DGLUCY: variants seen among roughly 807,000 people sequenced by gnomAD.
The protein encoded by DGLUCY is D-glutamate cyclase, mitochondrial.
Under a neutral mutation model 58.5 loss-of-function variants are expected in DGLUCY, and 58 were observed. That is an observed-to-expected ratio of 0.99 (90% confidence interval 0.80 to 1.23). The LOEUF is 1.23. Ranked by LOEUF, DGLUCY falls within the 50% of genes most tolerant of loss-of-function variation. DGLUCY has a pLI of 0.00. For missense variants in DGLUCY, 779 were observed against 784.7 expected (o/e 0.99, Z 0.09); for synonymous variants, 325 against 314.1 (o/e 1.03, Z -0.37).
rs2140500293 is a variant in DGLUCY, at chr14:91,188,892, C to T, written c.935-18C>T. The T allele has an allele frequency of 6.2e-7, 1 of 1,603,346 alleles. No homozygotes were observed. The highest frequency in any genetic ancestry group is 8.5e-7 in the Non-Finnish European group (1 of 1,175,224). On this transcript the variant is annotated intron_variant, in intron 8 of 13. Coordinates refer to ENST00000256324, the MANE Select transcript of DGLUCY (RefSeq NM_001102368.3). ...TTAAAAATATAGTTACTTTTACATT[C>T]TATTTTTGTCATTTCAGGGAACCGG...
At chr14:91,095,322 G>A (rs2140072661) in intron 1 of DGLUCY, among the ~76,000 whole-genome samples, 1 of 152,324 alleles carries the variant, frequency 6.6e-6, no homozygotes, top group East Asian at 1.9e-4. Flanking sequence ...GGCACCAGGA[G>A]GGAGGAGGAG....
rs2049711402 is a variant in DGLUCY at position 91,189,186 on chromosome 14, G to A, written c.1195+16G>A. The A allele has an allele frequency of 6.2e-7, 1 of 1,612,744 alleles. No homozygotes were observed. Among genetic ancestry groups the A allele is most frequent in the African/African-American group, 1.3e-5 (1 of 74,878 alleles). ...GTTGAGCAAGGTAAGCAGTGAGATG[G>A]GCTTGGTCCATTTCCCCAAACGGGC... On this transcript the variant is annotated intron_variant, in intron 9 of 13. Coordinates refer to ENST00000256324, the MANE Select transcript of DGLUCY (RefSeq NM_001102368.3).
exon 1 of DGLUCY, chr14:91,060,342 C>G: frequency 7.1e-7 from 1 of 1,416,630 alleles, no homozygotes; most frequent in Non-Finnish European, 9.3e-7. Flanking sequence ...CAGTCCGCAG[C>G]TCGTGCTTGA....
Position 91,217,127 on chromosome 14 carries a change from A to G in DGLUCY, c.1716+1571A>G, listed in dbSNP as rs1040267854. Among the ~76,000 whole-genome samples, 8 of 152,198 alleles carry G rather than the reference A, an allele frequency of 5.3e-5. No homozygotes were observed. The East Asian group carries it at 9.6e-4, about 18-fold the overall frequency. On this transcript the variant is annotated intron_variant, in intron 13 of 13. Transcript: ENST00000256324. ...GGACCAGACTTGCGGGACATTCACA[A>G]TGCCTCAGTGCTTAACGGGACACCT...
chr14:91,167,848 C>A (rs1368002916), intron 4 of DGLUCY: 1 of 604,132 alleles, frequency 1.7e-6, no homozygotes, highest in Admixed American at 2.9e-5. Flanking sequence ...ATGGCACCAG[C>A]ACAGACTGGC....
intron 8 of DGLUCY, among the ~76,000 whole-genome samples, chr14:91,184,577 TGG>T (rs1217191950): frequency 4.3e-5 from 1 of 23,294 alleles, no homozygotes; most frequent in Non-Finnish European, 8.9e-5. Context: ...GAAAGAAAGT[TGG>T]GGGGGGGGAG....
exon 1 of DGLUCY, chr14:91,060,339 C>G (rs764887929): frequency 1.4e-6 from 2 of 1,404,134 alleles, no homozygotes; most frequent in Non-Finnish European, 1.9e-6. Context: ...CACCAGTCCG[C>G]AGCTCGTGCT....
chr14:91,138,622 T>C (rs774567586), intron 1 of DGLUCY, among the ~76,000 whole-genome samples: 3 of 152,082 alleles, frequency 2.0e-5, no homozygotes, highest in Non-Finnish European at 4.4e-5. Context: ...CAAAGGAGAT[T>C]TAAGCACCTC....
chr14:91,138,356 TG>T (rs1185678033), intron 1 of DGLUCY, among the ~76,000 whole-genome samples: 1 of 152,128 alleles, frequency 6.6e-6, no homozygotes, highest in East Asian at 1.9e-4. Context: ...CCGGGTGTGG[TG>T]GCTCATGCCT....
rs753354924 is a variant in DGLUCY, at chr14:91,170,016, C to T, written c.271C>T (p.Gln91Ter). Reference protein sequence around the residue: ...AISETRMGHPQFWKYEFGACT... With the variant: ...AISETRMGHP ...TTATGTCCCCAGGATGGGCCATCCC[C>T]AGTTCTGGAAATACGAGTTCGGTGC... The change falls in exon 5 of 14, where the codon CAG (glutamine) becomes TAG (stop). Residue 91 changes from glutamine (Q) to a stop codon, truncating the protein, a stop_gained. Coordinates refer to ENST00000256324, the MANE Select transcript of DGLUCY (RefSeq NM_001102368.3). LOFTEE classifies it high-confidence loss of function. 1.9e-6 allele frequency: 3 copies of T among 1,612,230 alleles called. No homozygotes were observed. The highest frequency in any genetic ancestry group is 2.5e-6 in the Non-Finnish European group (3 of 1,180,024).
chr14:91,080,823 G>T (rs2044111042), intron 1 of DGLUCY, among the ~76,000 whole-genome samples: 1 of 152,178 alleles, frequency 6.6e-6, no homozygotes, highest in African/African-American at 2.4e-5. Context: ...AAATATGAGT[G>T]CCTTTTGTGT....
intron 1 of DGLUCY, among the ~76,000 whole-genome samples, chr14:91,102,217 C>T (rs2044499958): frequency 6.6e-6 from 1 of 151,830 alleles, no homozygotes; most frequent in Admixed American, 6.6e-5. Context: ...AAATAAATCA[C>T]CAGAGATTTT....
At chr14:91,168,657 A>C (rs1324996374) in intron 4 of DGLUCY, among the ~76,000 whole-genome samples, 1 of 152,108 alleles carries the variant, frequency 6.6e-6, no homozygotes, top group African/African-American at 2.4e-5. Flanking sequence ...CCCAGCACCA[A>C]ACTCCTCTGT....
intron 13 of DGLUCY, chr14:91,223,786 T>G: frequency 9.1e-7 from 1 of 1,094,714 alleles, no homozygotes; most frequent in South Asian, 1.4e-5. Context: ...CCCTGCTAAG[T>G]GCTTTGCTTG....
rs186482379 is a variant in DGLUCY at position 91,179,489 on chromosome 14, C to T, written c.731-1697C>T. On this transcript the variant is annotated intron_variant, in intron 7 of 13. Transcript: ENST00000256324. ...AGATGAGGCTGGGTGCGGTGGCTCA[C>T]GCCTGTAATCCCAGCACTCTGGGAG... Among the ~76,000 whole-genome samples, 500 of 151,796 alleles carry T rather than the reference C, an allele frequency of 3.3e-3. 5 individuals are homozygous for T. Among genetic ancestry groups the T allele is most frequent in the African/African-American group, 0.012 (486 of 41,388 alleles).
chr14:91,183,394 G>C (rs2049301443), intron 8 of DGLUCY, among the ~76,000 whole-genome samples: 1 of 152,146 alleles, frequency 6.6e-6, no homozygotes, highest in Non-Finnish European at 1.5e-5. Flanking sequence ...CTAATCCCAG[G>C]TGGCCAGCAG....
intron 1 of DGLUCY, among the ~76,000 whole-genome samples, chr14:91,151,384 C>G (rs1011324313): frequency 6.6e-6 from 1 of 151,902 alleles, no homozygotes; most frequent in South Asian, 2.1e-4. Context: ...GGACTACAGG[C>G]GCCCACCACC....
At chr14:91,068,115 A>ACACACACACACACC (rs1236523220) in intron 1 of DGLUCY, among the ~76,000 whole-genome samples, 1 of 140,154 alleles carries the variant, frequency 7.1e-6, no homozygotes. Flanking sequence ...ACACACACAC[A>ACACACACACACACC]CCCCTTGCAT....
At chr14:91,170,945 G>C (rs1192318589) in intron 5 of DGLUCY, among the ~76,000 whole-genome samples, 1 of 152,196 alleles carries the variant, frequency 6.6e-6, no homozygotes, top group Non-Finnish European at 1.5e-5. Flanking sequence ...GCTCCTGCCA[G>C]AGAGGCCCCA....
Sources: gnomAD v4.1 joint callset for allele counts (sites outside exome capture counted in the v4.1 genomes callset) on GRCh38, gnomAD v4.1.1 for gene constraint, MANE v1.5 for transcripts, NCBI Gene and HGNC (gene_info 2026-07-23, HGNC 2026-07-21) for gene names.